TRPC4: variants seen among roughly 807,000 people sequenced by gnomAD.
TRPC4 encodes short transient receptor potential channel 4.
TRPC4 carries 49 observed loss-of-function variants against 99.4 expected under a neutral mutation model. That is an observed-to-expected ratio of 0.49 (90% confidence interval 0.39 to 0.63). The LOEUF (loss-of-function observed/expected upper bound fraction) is 0.63. TRPC4 is among the 20% of genes least tolerant of loss of function. The pLI is 0.00. For synonymous variants in TRPC4, 454 were observed against 425.9 expected (o/e 1.07, Z -0.81); for missense variants, 898 against 1,152.9 (o/e 0.78, Z 3.20).
chr13:37,865,724 G>A (rs1959699069), intron 1 of TRPC4, among the ~76,000 whole-genome samples: 1 of 151,596 alleles, frequency 6.6e-6, no homozygotes, highest in Non-Finnish European at 1.5e-5. Context: ...GAAACCACAG[G>A]AATTAAGTAA....
At chr13:37,710,922 T>C (rs1268376346) in intron 3 of TRPC4, among the ~76,000 whole-genome samples, 1 of 151,956 alleles carries the variant, frequency 6.6e-6, no homozygotes, top group Non-Finnish European at 1.5e-5. Context: ...GCCTATATGA[T>C]GCTGTATAAT....
intron 8 of TRPC4, among the ~76,000 whole-genome samples, chr13:37,649,683 G>C (rs996075480): frequency 2.3e-5 from 3 of 129,468 alleles, no homozygotes; most frequent in Non-Finnish European, 4.6e-5. Flanking sequence ...GCAGAGTCGC[G>C]ATCATGCCAC....
intron 1 of TRPC4, among the ~76,000 whole-genome samples, chr13:37,808,779 A>C (rs1358572986): frequency 6.6e-6 from 1 of 152,038 alleles, no homozygotes; most frequent in Non-Finnish European, 1.5e-5. Flanking sequence ...TCTTGCTCTT[A>C]CCAGTCCTGT....
chr13:37,864,840 C>A (rs1959632735), intron 1 of TRPC4, among the ~76,000 whole-genome samples: 1 of 151,496 alleles, frequency 6.6e-6, no homozygotes, highest in African/African-American at 2.4e-5. Context: ...TTAGTGCCTG[C>A]AGAATATTTT....
At chr13:37,784,185 C>T (rs1009746612) in intron 1 of TRPC4, among the ~76,000 whole-genome samples, 1 of 152,034 alleles carries the variant, frequency 6.6e-6, no homozygotes. Context: ...CTAAGCAATT[C>T]AATTTCCAGA....
At chr13:37,699,575 G>A (rs1223063963) in intron 3 of TRPC4, among the ~76,000 whole-genome samples, 2 of 152,086 alleles carry the variant, frequency 1.3e-5, no homozygotes, top group Admixed American at 6.5e-5. Context: ...GAATAATGAA[G>A]AAGACTAATT....
chr13:37,764,813 CTTTT>C (rs71096806), intron 2 of TRPC4, among the ~76,000 whole-genome samples: 6 of 129,370 alleles, frequency 4.6e-5, no homozygotes, highest in Non-Finnish European at 9.8e-5. Flanking sequence ...TTATCAAATG[CTTTT>C]TTTTTTTTTT....
At chr13:37,649,756 AAAAACAACAAC>A (rs1951976510) in intron 8 of TRPC4, among the ~76,000 whole-genome samples, 2 of 129,170 alleles carry the variant, frequency 1.5e-5, no homozygotes, top group African/African-American at 5.8e-5. Flanking sequence ...AAAAAAAAAA[AAAAACAACAAC>A]AAAGAACTAA....
intron 1 of TRPC4, among the ~76,000 whole-genome samples, chr13:37,836,628 G>T (rs974373139): frequency 6.6e-6 from 1 of 152,160 alleles, no homozygotes; most frequent in Non-Finnish European, 1.5e-5. Flanking sequence ...TCTGCTGGAA[G>T]AAATTTCTAA....
chr13:37,663,839 A>T (rs1315189389), intron 5 of TRPC4, 110 bp from the exon 6 acceptor site: 2 of 1,070,684 alleles, frequency 1.9e-6, no homozygotes, highest in African/African-American at 3.2e-5. Flanking sequence ...ATAATTGATG[A>T]CTTTGTTTTC....
intron 1 of TRPC4, among the ~76,000 whole-genome samples, chr13:37,842,134 G>A (rs1045511960): frequency 6.6e-6 from 1 of 151,544 alleles, no homozygotes; most frequent in Non-Finnish European, 1.5e-5. Context: ...GCTGGGTGTG[G>A]TGGCATACAC....
rs529416861 is a variant in TRPC4 at position 37,783,108 on chromosome 13, T to G, written c.226A>C (p.Ile76Leu). The change falls in exon 2 of 11, where the codon ATT (isoleucine) becomes CTT (leucine). Residue 76 changes from isoleucine to leucine, a missense_variant. By Grantham distance (5) the Ile-to-Leu change is conservative (BLOSUM62 2). This residue lies in a region of TRPC4 where 278 missense variants were observed against 346.6 expected (regional missense o/e 0.80). Coordinates refer to ENST00000379705, the MANE Select transcript of TRPC4 (RefSeq NM_016179.4). The part of the protein sequence containing the change: ...IDPLGRTALL[I>L]AIENENLELI... ...TCCAAGTTCTCATTTTCAATTGCAATGAGGAGAGCAGTTCTTCCGAGAGGA... is the reference window on the plus strand; with the variant it reads ...TCCAAGTTCTCATTTTCAATTGCAAGGAGGAGAGCAGTTCTTCCGAGAGGA... The G allele has an allele frequency of 6.0e-5, 97 of 1,613,354 alleles. No homozygotes were observed. Among genetic ancestry groups the G allele is most frequent in the Non-Finnish European group, 8.1e-5 (96 of 1,179,748 alleles).
intron 1 of TRPC4, among the ~76,000 whole-genome samples, chr13:37,860,579 T>C (rs1210140136): frequency 1.3e-5 from 2 of 151,498 alleles, no homozygotes; most frequent in African/African-American, 2.4e-5. Context: ...AAATCAGTAA[T>C]TGGATTTCAT....
intron 2 of TRPC4, among the ~76,000 whole-genome samples, chr13:37,774,794 A>T (rs1407812064): frequency 6.6e-6 from 1 of 151,800 alleles, no homozygotes; most frequent in Non-Finnish European, 1.5e-5. Flanking sequence ...GTAATCAGGG[A>T]ATAAGTGAAT....
intron 8 of TRPC4, among the ~76,000 whole-genome samples, chr13:37,647,933 T>C (rs943565739): frequency 2.0e-5 from 3 of 152,144 alleles, no homozygotes; most frequent in African/African-American, 7.2e-5. Context: ...CTCATTTATC[T>C]TATACATTTA....
chr13:37,637,633 G>A lies in TRPC4; in HGVS notation c.2212-8C>T. The A allele has an allele frequency of 6.4e-7, 1 of 1,554,076 alleles. No homozygotes were observed. On this transcript the variant is annotated splice_region_variant and splice_polypyrimidine_tract_variant and intron_variant, in intron 10 of 10. Transcript: ENST00000379705. The stretch of plus-strand genomic sequence containing the variant: ...AATGTCTTGCTTTAGTTCCTACGTA[G>A]AATTTAAAATGAAAAATTCGGTTAT...
At position 37,733,847 on chromosome 13, in the gene TRPC4, CAAAT is replaced by C. The variant is rs936819051; in HGVS notation, c.897+12086_897+12089del. ...GGACGATAGACAATAAATAAACACACAAATAAAATTATTTTGGATTTTTATAAAG... is the reference window on the plus strand; with the variant it reads ...GGACGATAGACAATAAATAAACACACAAAATTATTTTGGATTTTTATAAAG... On this transcript the variant is annotated intron_variant, in intron 3 of 10. Transcript: ENST00000379705. 3.3e-5 allele frequency among the ~76,000 whole-genome samples: 5 copies of C among 151,956 alleles called. No homozygotes were observed. The South Asian group carries it at 6.2e-4, about 19-fold the overall frequency.
intron 4 of TRPC4, among the ~76,000 whole-genome samples, chr13:37,675,504 C>G (rs182475482): frequency 6.6e-6 from 1 of 152,190 alleles, no homozygotes; most frequent in East Asian, 1.9e-4. Flanking sequence ...TCTTCATGGA[C>G]CCTATCCACA....
intron 1 of TRPC4, among the ~76,000 whole-genome samples, chr13:37,834,176 T>A (rs1037437563): frequency 6.6e-6 from 1 of 151,616 alleles, no homozygotes; most frequent in Admixed American, 6.6e-5. Flanking sequence ...ACATAAACAC[T>A]GTTTATAAAT....
Sources: allele counts gnomAD v4.1 joint callset (sites outside exome capture counted in the v4.1 genomes callset), GRCh38; gene constraint gnomAD v4.1.1; regional missense constraint gnomAD v4.1.1; transcripts MANE v1.5; gene names NCBI Gene and HGNC (gene_info 2026-07-23, HGNC 2026-07-21).